The following FAAH2 variants were observed in gnomAD, a reference collection of about 807,000 sequenced individuals.
FAAH2 encodes the protein fatty-acid amide hydrolase 2.
In FAAH2, 60 loss-of-function variants were observed where a neutral mutation model predicts 36.9. That is an observed-to-expected ratio of 1.63 (90% CI 1.32 to 2.02). FAAH2 has a LOEUF of 2.02. Among genes scored for constraint, FAAH2 ranks in the 30% most tolerant of loss-of-function variants. The pLI is 0.00. For missense variants in FAAH2, 689 were observed against 397.5 expected (o/e 1.73, Z -6.23); for synonymous variants, 214 against 143.8 (o/e 1.49, Z -3.49).
upstream of FAAH2, among the ~76,000 whole-genome samples, chrX:57,284,502 G>A (rs904253717): frequency 8.0e-5 from 9 of 112,269 alleles, no homozygotes; most frequent in Non-Finnish European, 1.7e-4. Context: ...ATGGTCTTAT[G>A]ATAAGTGTAA....
intron 8 of FAAH2, among the ~76,000 whole-genome samples, chrX:57,435,317 G>C (rs937530673): frequency 9.0e-6 from 1 of 111,293 alleles, no homozygotes; most frequent in Non-Finnish European, 1.9e-5. Flanking sequence ...AAAAGATTTA[G>C]TGACCTGACA....
the FAAH2 span, among the ~76,000 whole-genome samples, chrX:57,234,039 A>G: frequency 8.8e-6 from 1 of 113,033 alleles, no homozygotes. Context: ...TGAACTTTGG[A>G]TAATGAATAA....
At chrX:57,441,329 G>A (rs1386164876) in intron 8 of FAAH2, among the ~76,000 whole-genome samples, 4 of 111,207 alleles carry the variant, frequency 3.6e-5, no homozygotes, top group Admixed American at 9.5e-5. Flanking sequence ...TTTAGTCTTG[G>A]GAGGGTGTGT....
the FAAH2 span, among the ~76,000 whole-genome samples, chrX:57,175,834 A>G: frequency 1.8e-5 from 2 of 111,674 alleles, no homozygotes; most frequent in African/African-American, 6.5e-5. Flanking sequence ...TATGAAAATT[A>G]TTTTTACTGA....
chrX:57,250,630 AT>A, the FAAH2 span, among the ~76,000 whole-genome samples: 1 of 110,776 alleles, frequency 9.0e-6, no homozygotes, highest in African/African-American at 3.3e-5. Flanking sequence ...AATATATATA[AT>A]TTTTGTCTAC....
chrX:57,167,544 T>C, the FAAH2 span, among the ~76,000 whole-genome samples: 81 of 112,028 alleles, frequency 7.2e-4, no homozygotes, highest in Non-Finnish European at 1.4e-3. Context: ...TCTTAACTTA[T>C]ATTGTGAGAA....
In FAAH2 at chrX:57,395,221, C is replaced by T. The variant is rs1275365846; in HGVS notation, c.996+14192C>T. The T allele has an allele frequency of 1.2e-4, 69 of 579,846 alleles. No individual in the cohort carries two copies. The East Asian group carries it at 2.7e-3, about 23-fold the overall frequency. 47.8% of individuals were successfully genotyped at this position (579,846 alleles called of 1,213,427 possible). A position where few individuals can be genotyped will look rare whatever the true frequency, so the allele number is the denominator to read the frequency against. ...TAACTTAATGTCAGTGGCTTTCATC[C>T]CAATCTCTTCAGCAGCCTTCAGCTT... On this transcript the variant is annotated intron_variant, in intron 7 of 10. Coordinates refer to ENST00000374900, the MANE Select transcript of FAAH2 (RefSeq NM_174912.4).
chrX:57,480,053 C>A (rs1487201554), intron 10 of FAAH2, among the ~76,000 whole-genome samples: 2 of 111,471 alleles, frequency 1.8e-5, no homozygotes, highest in Non-Finnish European at 3.8e-5. Context: ...CCTCCCAAGA[C>A]TAAACCAGGA....
At chrX:57,290,995 T>G (rs2051961838) in intron 1 of FAAH2, among the ~76,000 whole-genome samples, 1 of 112,400 alleles carries the variant, frequency 8.9e-6, no homozygotes, top group Non-Finnish European at 1.9e-5. Flanking sequence ...TTTGTCAAAT[T>G]GACTTAGAAA....
chrX:57,408,778 T>C (rs1364141921), intron 7 of FAAH2, among the ~76,000 whole-genome samples: 1 of 111,294 alleles, frequency 9.0e-6, no homozygotes, highest in Non-Finnish European at 1.9e-5. Flanking sequence ...ACAAAAATAA[T>C]GTTGAATCTT....
chrX:57,411,103 C>T (rs1011496619), intron 7 of FAAH2, among the ~76,000 whole-genome samples: 14 of 111,837 alleles, frequency 1.3e-4, no homozygotes, highest in Non-Finnish European at 1.5e-4. Flanking sequence ...TACCAGTGAG[C>T]CCAGCCAGAT....
At chrX:57,229,958 A>G in the FAAH2 span, among the ~76,000 whole-genome samples, 3 of 111,778 alleles carry the variant, frequency 2.7e-5, no homozygotes, top group African/African-American at 9.8e-5. Flanking sequence ...TTTATTTAGG[A>G]ACCCCACAGC....
At chrX:57,157,672 G>C in the FAAH2 span, among the ~76,000 whole-genome samples, 1 of 111,647 alleles carries the variant, frequency 9.0e-6, no homozygotes, top group Non-Finnish European at 1.9e-5. Context: ...TTAAAACCAA[G>C]TACTGTGATC....
At chrX:57,322,937 C>A (rs2053077669) in intron 3 of FAAH2, among the ~76,000 whole-genome samples, 1 of 110,254 alleles carries the variant, frequency 9.1e-6, no homozygotes, top group South Asian at 3.9e-4. Context: ...CACCCATTAA[C>A]TTGTCATTTA....
At chrX:57,464,931 A>T (rs2057024052) in intron 10 of FAAH2, among the ~76,000 whole-genome samples, 1 of 112,155 alleles carries the variant, frequency 8.9e-6, no homozygotes, top group Admixed American at 9.5e-5. Context: ...TTAGAAGACA[A>T]ATAATACAAT....
intron 7 of FAAH2, chrX:57,394,007 A>T (rs2055230569): frequency 2.7e-6 from 2 of 751,085 alleles, no homozygotes; most frequent in Admixed American, 4.4e-5. Flanking sequence ...TACTGATGGC[A>T]CCAAATGAGT....
intron 5 of FAAH2, among the ~76,000 whole-genome samples, chrX:57,374,401 T>C (rs181943052): frequency 0.011 from 1,208 of 111,928 alleles, 7 homozygotes; most frequent in Non-Finnish European, 0.017. Flanking sequence ...CAGTATTTTG[T>C]AGTTTTCCTT....
chrX:57,453,489 T>C (rs2056818764), intron 10 of FAAH2, among the ~76,000 whole-genome samples: 1 of 110,769 alleles, frequency 9.0e-6, no homozygotes, highest in African/African-American at 3.3e-5. Context: ...AACTGCAGGA[T>C]AGGTGATTCC....
chrX:57,393,785 C>G (rs2055224969), intron 7 of FAAH2: 1 of 907,434 alleles, frequency 1.1e-6, no homozygotes, highest in African/African-American at 2.0e-5. Context: ...CTGTGTGTGA[C>G]TTTTCTTCGT....
Sources: gnomAD v4.1 joint callset for allele counts (sites outside exome capture counted in the v4.1 genomes callset) on GRCh38, gnomAD v4.1.1 for gene constraint, MANE v1.5 for transcripts, NCBI Gene and HGNC (gene_info 2026-07-23, HGNC 2026-07-21) for gene names.